SULT6B1: variants seen among roughly 807,000 people sequenced by gnomAD.
SULT6B1 encodes the protein sulfotransferase family 6B member 1.
In SULT6B1, 44 loss-of-function variants were observed where a neutral mutation model predicts 37.2. The observed-to-expected ratio is 1.18, with a 90% CI of 0.93 to 1.52. The LOEUF (loss-of-function observed/expected upper bound fraction) is 1.52. Among genes scored for constraint, SULT6B1 ranks in the 40% most tolerant of loss-of-function variants. The probability of loss-of-function intolerance (pLI) is 0.00; values close to 1 mark genes in which losing one functional copy is unlikely to be tolerated. For missense variants in SULT6B1, 450 were observed against 361.0 expected, an observed-to-expected ratio of 1.25 and a Z score of -2.00; for synonymous variants, 140 against 126.0, an observed-to-expected ratio of 1.11 and a Z score of -0.74.
At chr2:37,193,139 C>G (rs1676815450), upstream of SULT6B1, among the ~76,000 whole-genome samples, 1 of 152,102 alleles carries the variant, frequency 6.6e-6, no homozygotes, top group Non-Finnish European at 1.5e-5. Flanking sequence ...GCCCCAGAGG[C>G]AGCTGCATGG....
intron 3 of SULT6B1, among the ~76,000 whole-genome samples, chr2:37,181,785 T>C (rs1353816855): frequency 6.6e-6 from 1 of 152,214 alleles, no homozygotes; most frequent in African/African-American, 2.4e-5. Flanking sequence ...CAGCTCTGTT[T>C]ATTATAGAGA....
chr2:37,189,703 G>A (rs867257379), upstream of SULT6B1, among the ~76,000 whole-genome samples: 1 of 152,108 alleles, frequency 6.6e-6, no homozygotes, highest in Admixed American at 6.6e-5. Context: ...ATGCGTGTGC[G>A]GGGAAGGTGC....
At chr2:37,195,596 T>A (rs1676900714) in intron 1 of SULT6B1, among the ~76,000 whole-genome samples, 1 of 152,194 alleles carries the variant, frequency 6.6e-6, no homozygotes, top group Non-Finnish European at 1.5e-5. Context: ...GTACTTTCCA[T>A]CAGTTATTTG....
intron 1 of SULT6B1, among the ~76,000 whole-genome samples, chr2:37,187,673 C>A (rs1194622011): frequency 1.3e-5 from 2 of 152,172 alleles, no homozygotes; most frequent in African/African-American, 2.4e-5. Flanking sequence ...GTATAAAATT[C>A]AACTGAGAAC....
chr2:37,171,489 C>G lies in SULT6B1; in HGVS notation c.726G>C (p.Met242Ile), dbSNP rs938446885. The part of the protein sequence containing the change: ...TISVQSTFQA[M>I]RAKSQDTHGA... ...CGTGTGTGTCCTGAGACTTCGCACG[C>G]ATGGCTTGGAAGGTGCTCTGGACTG... Residue 242 changes from methionine to isoleucine, a missense_variant, in exon 6 of 7, where the codon ATG becomes ATC. By Grantham distance (10) the Met-to-Ile change is conservative. Transcript: ENST00000535679. 40 of 1,614,060 alleles carry G rather than the reference C, an allele frequency of 2.5e-5. No individual in the cohort carries two copies. The highest frequency in any genetic ancestry group is 3.4e-5 in the Non-Finnish European group (40 of 1,180,034).
At chr2:37,184,308 CAG>C (rs1319443336) in intron 2 of SULT6B1, among the ~76,000 whole-genome samples, 1 of 152,142 alleles carries the variant, frequency 6.6e-6, no homozygotes, top group Non-Finnish European at 1.5e-5. Flanking sequence ...CCTGAAAGTA[CAG>C]AGTTACTTAA....
chr2:37,193,412 A>G (rs2148304384), upstream of SULT6B1, among the ~76,000 whole-genome samples: 1 of 152,050 alleles, frequency 6.6e-6, no homozygotes, highest in African/African-American at 2.4e-5. Context: ...TAGTGAGCTG[A>G]GATCGTGCCA....
At chr2:37,192,544 T>C (rs1054442255), upstream of SULT6B1, among the ~76,000 whole-genome samples, 1 of 152,222 alleles carries the variant, frequency 6.6e-6, no homozygotes, top group African/African-American at 2.4e-5. Context: ...TATAATAATG[T>C]GATGATATTA....
chr2:37,175,118 A>G lies in SULT6B1; in HGVS notation c.624+14T>C, dbSNP rs1044415180. On this transcript the variant is annotated intron_variant, in intron 5 of 6. Coordinates refer to ENST00000535679, the MANE Select transcript of SULT6B1 (RefSeq NM_001367551.1). ...ACAATAAATTTTGCTCTAAAATATC[A>G]ATAATAATCTCACCTCTTTCAGGTC... 6.7e-7 allele frequency: 1 copy of G among 1,488,650 alleles called. No homozygotes were observed. Among genetic ancestry groups the G allele is most frequent in the South Asian group, 1.3e-5 (1 of 74,646 alleles). 92.2% of individuals were successfully genotyped at this position (1,488,650 alleles called of 1,614,324 possible).
chr2:37,168,358 A>G (rs1023340389), intron 6 of SULT6B1, among the ~76,000 whole-genome samples: 1 of 152,112 alleles, frequency 6.6e-6, no homozygotes, highest in Non-Finnish European at 1.5e-5. Flanking sequence ...GGGTTTCGCA[A>G]TGCTGGCCAG....
Position 37,175,176 on chromosome 2 carries a change from CAAGATGTTTGT to C in SULT6B1, c.569_579del (p.Asn190ArgfsTer6). On this transcript the variant is annotated frameshift_variant, in exon 5 of 7. Coordinates refer to ENST00000535679, the MANE Select transcript of SULT6B1 (RefSeq NM_001367551.1). LOFTEE classifies it high-confidence loss of function. ...AATATGAACTTAACATTGTCGCCAT[CAAGATGTTTGT>C]TCCAATTGATTGCAAAATCAAAATA... 1 of 1,586,510 alleles carries C rather than the reference CAAGATGTTTGT, an allele frequency of 6.3e-7. No homozygotes were observed. Among genetic ancestry groups the C allele is most frequent in the Non-Finnish European group, 8.6e-7 (1 of 1,165,208 alleles).
intron 4 of SULT6B1, among the ~76,000 whole-genome samples, chr2:37,176,260 C>CTTTTTTT (rs34578951): frequency 6.2e-5 from 7 of 112,586 alleles, no homozygotes; most frequent in South Asian, 3.0e-4. Flanking sequence ...CACGCAATAG[C>CTTTTTTT]TTTTTTTTTT....
At chr2:37,195,374 T>A (rs1676890940) in intron 1 of SULT6B1, among the ~76,000 whole-genome samples, 1 of 152,244 alleles carries the variant, frequency 6.6e-6, no homozygotes, top group Non-Finnish European at 1.5e-5. Context: ...TAAATTCATA[T>A]GTTTTTCACA....
rs1160317829 is a variant in SULT6B1, at chr2:37,188,658, G to T, written c.-18C>A. 4.3e-6 allele frequency: 4 copies of T among 923,026 alleles called. No individual in the cohort carries two copies. Among genetic ancestry groups the T allele is most frequent in the Non-Finnish European group, 6.9e-6 (4 of 578,052 alleles). The allele number at this position is 923,026 out of a possible 1,614,324, so 57.2% of individuals were successfully genotyped here. On this transcript the variant is annotated 5_prime_UTR_variant, in exon 1 of 7. Transcript: ENST00000535679. ...TCAGCCATGGTGGCTCCCTGTAAAAGAACCTGCTCTGTGGCTGTTCAGGGG... is the reference window on the plus strand; with the variant it reads ...TCAGCCATGGTGGCTCCCTGTAAAATAACCTGCTCTGTGGCTGTTCAGGGG...
chr2:37,171,482 T>TCGCA lies in SULT6B1; in HGVS notation c.729_732dup (p.Lys245CysfsTer19). 1.2e-6 allele frequency: 2 copies of TCGCA among 1,614,206 alleles called. No individual in the cohort carries two copies. Among genetic ancestry groups the TCGCA allele is most frequent in the Non-Finnish European group, 1.7e-6 (2 of 1,180,028 alleles). The stretch of plus-strand genomic sequence containing the variant: ...ACAGCACCGTGTGTGTCCTGAGACT[T>TCGCA]CGCACGCATGGCTTGGAAGGTGCTC... On this transcript the variant is annotated frameshift_variant, in exon 6 of 7. Transcript: ENST00000535679. LOFTEE classifies it high-confidence loss of function.
chr2:37,176,924 T>G (rs925731143), intron 4 of SULT6B1, among the ~76,000 whole-genome samples: 12 of 152,138 alleles, frequency 7.9e-5, no homozygotes, highest in Non-Finnish European at 1.3e-4. Flanking sequence ...TGTTCCTCCT[T>G]TTTCATGACC....
intron 4 of SULT6B1, among the ~76,000 whole-genome samples, chr2:37,177,155 T>A (rs77685808): frequency 0.049 from 5,698 of 115,488 alleles, 158 homozygotes; most frequent in Non-Finnish European, 0.056. Context: ...AAGTTTCTCA[T>A]CATCATTTGC....
intron 2 of SULT6B1, among the ~76,000 whole-genome samples, chr2:37,184,508 A>G (rs935000111): frequency 2.0e-5 from 3 of 152,246 alleles, no homozygotes; most frequent in Admixed American, 6.5e-5. Flanking sequence ...TAAGGCTTCA[A>G]GTTTTTAGTC....
In SULT6B1 at chr2:37,187,394, T is replaced by A; in HGVS notation, c.273A>T (p.Glu91Asp). The A allele has an allele frequency of 6.2e-7, 1 of 1,608,950 alleles. No homozygotes were observed. Among genetic ancestry groups the A allele is most frequent in the Non-Finnish European group, 8.5e-7 (1 of 1,176,242 alleles). Residue 91 changes from glutamate (E) to aspartate (D), a missense_variant, in exon 2 of 7, where the codon GAA becomes GAT. Glu to Asp is a conservative substitution (Grantham distance 45). Coordinates refer to ENST00000535679, the MANE Select transcript of SULT6B1 (RefSeq NM_001367551.1). ...AATCCCCACATTCAAGAACTGGGAA[T>A]TCTGGATATTTATACTTTTTTTTAG... ...AVSKKKYKYPEFPVLECGDSE... is the reference protein window; with the variant it reads ...AVSKKKYKYPDFPVLECGDSE...
Sources: gnomAD v4.1 joint callset for allele counts (sites outside exome capture counted in the v4.1 genomes callset) on GRCh38, gnomAD v4.1.1 for gene constraint, MANE v1.5 for transcripts, NCBI Gene and HGNC (gene_info 2026-07-23, HGNC 2026-07-21) for gene names.